Variants in ARPC2 observed in about 807,000 individuals in gnomAD.
The protein encoded by ARPC2 is actin-related protein 2/3 complex subunit 2.
ARPC2 carries 4 observed loss-of-function variants against 38.6 expected under a neutral mutation model. The observed-to-expected ratio is 0.10, with a 90% CI of 0.05 to 0.24. The LOEUF (loss-of-function observed/expected upper bound fraction) is 0.24. Ranked by LOEUF, ARPC2 falls within the 10% of genes least tolerant of loss-of-function variation. The pLI, the probability that ARPC2 is intolerant of heterozygous loss-of-function variation, is 1.00. For missense variants in ARPC2, 229 were observed against 387.3 expected, an observed-to-expected ratio of 0.59 and a Z score of 3.43; for synonymous variants, 125 against 140.8, an observed-to-expected ratio of 0.89 and a Z score of 0.79.
chr2:218,223,250 G>A (rs1362048945), intron 2 of ARPC2, among the ~76,000 whole-genome samples: 8 of 152,146 alleles, frequency 5.3e-5, no homozygotes, highest in Non-Finnish European at 1.5e-5. Flanking sequence ...GCGCTGTCCC[G>A]CCCAGGACAT....
At chr2:218,227,776 G>C (rs1055355701) in intron 3 of ARPC2, among the ~76,000 whole-genome samples, 1 of 152,180 alleles carries the variant, frequency 6.6e-6, no homozygotes, top group East Asian at 1.9e-4. Flanking sequence ...AATTTTTGTA[G>C]AGACAGGGTT....
intron 7 of ARPC2, among the ~76,000 whole-genome samples, chr2:218,243,733 G>A (rs1028713480): frequency 6.6e-6 from 1 of 152,128 alleles, no homozygotes; most frequent in Non-Finnish European, 1.5e-5. Context: ...CCAAGATCAC[G>A]CCACTGCACT....
intron 2 of ARPC2, among the ~76,000 whole-genome samples, chr2:218,218,202 C>T (rs1415098794): frequency 6.6e-6 from 1 of 152,238 alleles, no homozygotes; most frequent in Non-Finnish European, 1.5e-5. Flanking sequence ...CCTTCCTTAT[C>T]TCTCCTTTGA....
At chr2:218,252,001 A>G (rs1353065589) in intron 10 of ARPC2, among the ~76,000 whole-genome samples, 1 of 152,114 alleles carries the variant, frequency 6.6e-6, no homozygotes, top group Admixed American at 6.5e-5. Flanking sequence ...CAGGCGGATC[A>G]CCTGAGGTCA....
intron 4 of ARPC2, chr2:218,229,143 G>A (rs562728638): frequency 1.5e-3 from 303 of 196,884 alleles, no homozygotes; most frequent in Middle Eastern, 8.2e-3. Context: ...ATTAGGTTCT[G>A]TTCTATTTTT....
intron 10 of ARPC2, among the ~76,000 whole-genome samples, chr2:218,250,704 G>C (rs905454606): frequency 6.6e-6 from 1 of 152,024 alleles, no homozygotes; most frequent in Non-Finnish European, 1.5e-5. Context: ...CTAAATAGGG[G>C]TGTGGCTCTG....
At chr2:218,250,589 A>G (rs986662358) in intron 10 of ARPC2, among the ~76,000 whole-genome samples, 20 of 151,196 alleles carry the variant, frequency 1.3e-4, no homozygotes. Context: ...GCTTGAGCCC[A>G]GGAGGCAGAG....
At chr2:218,238,588 T>TG in intron 5 of ARPC2, 76 bp from the exon 6 acceptor site, 1 of 940,862 alleles carries the variant, frequency 1.1e-6, no homozygotes, top group Non-Finnish European at 1.6e-6. Context: ...GATAGTATGC[T>TG]GCTTTTTTTT....
chr2:218,222,329 G>A (rs1689401405), intron 2 of ARPC2, among the ~76,000 whole-genome samples: 1 of 152,112 alleles, frequency 6.6e-6, no homozygotes, highest in Admixed American at 6.6e-5. Context: ...AAACCCCAAA[G>A]TTGTTAATGA....
At chr2:218,247,555 C>G (rs1690070853) in intron 8 of ARPC2, among the ~76,000 whole-genome samples, 1 of 151,574 alleles carries the variant, frequency 6.6e-6, no homozygotes, top group African/African-American at 2.4e-5. Flanking sequence ...CCTCTGCTTC[C>G]CAGGCTCAAA....
At chr2:218,230,276 C>CTTTTTTTTTTCT (rs1689600462) in intron 4 of ARPC2, among the ~76,000 whole-genome samples, 1 of 112,446 alleles carries the variant, frequency 8.9e-6, no homozygotes, top group Admixed American at 9.0e-5. Context: ...CCAGCCTTTT[C>CTTTTTTTTTTCT]TTTTTTTTTT....
Position 218,234,365 on chromosome 2 carries a change from T to C in ARPC2, c.236T>C (p.Val79Ala), listed in dbSNP as rs764999195. The C allele has an allele frequency of 6.2e-7, 1 of 1,605,100 alleles. No individual in the cohort carries two copies. Among genetic ancestry groups the C allele is most frequent in the African/African-American group, 1.3e-5 (1 of 74,766 alleles). Residue 79 changes from valine to alanine, a missense_variant, in exon 5 of 11, where the codon GTG becomes GCG. By Grantham distance (64) the Val-to-Ala change is moderately conservative (BLOSUM62 0). This residue lies in a region of ARPC2 where 135 missense variants were observed against 214.1 expected (regional missense o/e 0.63). Transcript: ENST00000315717. ...TTTATTTTCTAGTTATTAAAGAGGG[T>C]GTACGGGAGTTTCTTGGTAAATCCA... Reference protein sequence around the residue: ...AHGADELLKRVYGSFLVNPES... With the variant: ...AHGADELLKRAYGSFLVNPES...
intron 7 of ARPC2, among the ~76,000 whole-genome samples, chr2:218,244,902 T>G (rs1162407092): frequency 6.6e-6 from 1 of 152,236 alleles, no homozygotes; most frequent in Non-Finnish European, 1.5e-5. Flanking sequence ...TACTTGTCTA[T>G]TTACATAGGA....
chr2:218,253,914 A>G lies in ARPC2; in HGVS notation c.902A>G (p.Ter301=). 6.2e-7 allele frequency: 1 copy of G among 1,613,942 alleles called. No individual in the cohort carries two copies. The highest frequency in any genetic ancestry group is 8.5e-7 in the Non-Finnish European group (1 of 1,179,992). The part of the protein sequence containing the change: ...TITGKTFSSR[*] ...AGGGGGAAGACGTTTTCATCCCGCTAATCTTGGGAATAAGAGGAGGAAGCG... is the reference window on the plus strand; with the variant it reads ...AGGGGGAAGACGTTTTCATCCCGCTGATCTTGGGAATAAGAGGAGGAAGCG... Residue 301 remains the stop codon, a stop_retained_variant, in exon 11 of 11, where the codon TAA becomes TGA. Transcript: ENST00000315717.
intron 4 of ARPC2, among the ~76,000 whole-genome samples, chr2:218,232,002 G>C (rs183839597): frequency 1.2e-3 from 188 of 152,292 alleles, no homozygotes; most frequent in African/African-American, 4.4e-3. Context: ...CACTTTGGGA[G>C]GCCAAGACAG....
chr2:218,253,248 T>C (rs940866642), intron 10 of ARPC2, among the ~76,000 whole-genome samples: 5 of 152,216 alleles, frequency 3.3e-5, no homozygotes, highest in Non-Finnish European at 5.9e-5. Flanking sequence ...CCAGGCTGCT[T>C]TCCCAGATAC....
chr2:218,222,485 A>G (rs1689405230), intron 2 of ARPC2, among the ~76,000 whole-genome samples: 1 of 152,156 alleles, frequency 6.6e-6, no homozygotes, highest in Non-Finnish European at 1.5e-5. Context: ...GAATGAATTG[A>G]TTATGTTTTA....
intron 2 of ARPC2, among the ~76,000 whole-genome samples, chr2:218,225,289 C>T (rs1689471222): frequency 6.6e-6 from 1 of 152,116 alleles, no homozygotes; most frequent in South Asian, 2.1e-4. Context: ...TTTTGTGTTA[C>T]ACTGTCTATT....
intron 5 of ARPC2, chr2:218,234,934 G>A: frequency 2.2e-6 from 1 of 446,816 alleles, no homozygotes; most frequent in Non-Finnish European, 4.5e-6. Context: ...ATGTTATACT[G>A]CTTTAAAAAG....
Sources: gnomAD v4.1 joint callset for allele counts (sites outside exome capture counted in the v4.1 genomes callset) on GRCh38, gnomAD v4.1.1 for gene constraint, gnomAD v4.1.1 regional missense constraint, MANE v1.5 for transcripts, NCBI Gene and HGNC (gene_info 2026-07-23, HGNC 2026-07-21) for gene names.